DDX43: variants seen among roughly 807,000 people sequenced by gnomAD.
DDX43 encodes probable ATP-dependent RNA helicase DDX43.
A neutral mutation model predicts 84.9 loss-of-function variants in DDX43; 50 were observed. The observed-to-expected ratio is 0.59, with a 90% confidence interval of 0.47 to 0.75. DDX43 has a LOEUF of 0.75. DDX43 is among the 30% of genes least tolerant of loss of function. The pLI is 0.00. For synonymous variants in DDX43, 291 were observed against 266.3 expected (o/e 1.09, Z -0.90); for missense variants, 689 against 798.6 (o/e 0.86, Z 1.65).
At position 73,412,119 on chromosome 6, in the gene DDX43, A is replaced by G. The variant is rs75732780; in HGVS notation, c.1281-86A>G. 7.9e-3 allele frequency: 9,126 copies of G among 1,154,578 alleles called. 499 individuals carry two copies. In the African/African-American group the frequency reaches 0.12, roughly 16 times the overall value. The allele number at this position is 1,154,578 out of a possible 1,614,324, so 71.5% of individuals were successfully genotyped here. A position where few individuals can be genotyped will look rare whatever the true frequency, so the allele number is the denominator to read the frequency against. On this transcript the variant is annotated intron_variant, in intron 10 of 16. Coordinates refer to ENST00000370336, the MANE Select transcript of DDX43 (RefSeq NM_018665.3). ...AAAATAAGTACTAAATTTGTCTTTC[A>G]TGAGTAACTTGGTTCATAGCATGCT...
chr6:73,413,804 G>T lies in DDX43; in HGVS notation c.1496+19G>T. 1 of 1,606,908 alleles carries T rather than the reference G, an allele frequency of 6.2e-7. No individual in the cohort carries two copies. The highest frequency in any genetic ancestry group is 8.5e-7 in the Non-Finnish European group (1 of 1,177,304). ...AAGCTGTGTAGGTATTTTTTCTTGT[G>T]TGTCCATTATAATTAATTAAATTGA... On this transcript the variant is annotated intron_variant, in intron 12 of 16. Coordinates refer to ENST00000370336, the MANE Select transcript of DDX43 (RefSeq NM_018665.3).
At chr6:73,406,326 A>T (rs772640119) in intron 6 of DDX43, 38 bp from the exon 7 acceptor site, 26 of 1,476,380 alleles carry the variant, frequency 1.8e-5, no homozygotes, top group Non-Finnish European at 2.4e-5. Flanking sequence ...CCAGCAAAAG[A>T]TGTACTTTTT....
At chr6:73,399,019 C>T (rs1769522637) in intron 2 of DDX43, among the ~76,000 whole-genome samples, 1 of 152,108 alleles carries the variant, frequency 6.6e-6, no homozygotes, top group African/African-American at 2.4e-5. Context: ...GCTCTTAGCT[C>T]ACCGCAACCA....
At chr6:73,399,776 C>G (rs972452733) in intron 2 of DDX43, among the ~76,000 whole-genome samples, 7 of 152,162 alleles carry the variant, frequency 4.6e-5, no homozygotes, top group African/African-American at 1.7e-4. Context: ...AGAATCCCAT[C>G]AAGTTAAAAA....
At chr6:73,399,830 GCATAGATTATGTCATTTCAGCCCTA>G (rs943750747) in intron 2 of DDX43, among the ~76,000 whole-genome samples, 2 of 152,116 alleles carry the variant, frequency 1.3e-5, no homozygotes, top group African/African-American at 4.8e-5. Flanking sequence ...TCTATATAGT[GCATAGATTATGTCATTTCAGCCCTA>G]CAATTCTGTA....
chr6:73,412,638 A>AGTGTGTGTGTGTGTGTGTGT (rs66577187), intron 11 of DDX43, among the ~76,000 whole-genome samples: 22 of 59,718 alleles, frequency 3.7e-4, no homozygotes, highest in East Asian at 1.3e-3. Context: ...ATATATATAT[A>AGTGTGTGTGTGTGTGTGTGT]GTGTGTGTGT....
At chr6:73,408,176 T>G in intron 9 of DDX43, 75 bp downstream of exon 9, 1 of 1,500,598 alleles carries the variant, frequency 6.7e-7, no homozygotes, top group African/African-American at 1.4e-5. Context: ...GGGTCACGCC[T>G]GTAATCCGAG....
At chr6:73,410,028 C>T (rs1311513948) in intron 10 of DDX43, among the ~76,000 whole-genome samples, 32 of 128,754 alleles carry the variant, frequency 2.5e-4, no homozygotes, top group Non-Finnish European at 5.1e-4. Context: ...GAAAATCTGT[C>T]TCAAAAAAAA....
rs1769885450 is a variant in DDX43, at chr6:73,415,530, A to G, written c.1779A>G (p.Arg593=). Residue 593 remains arginine, a synonymous_variant, in exon 15 of 17, where the codon AGA becomes AGG. Transcript: ENST00000370336. ...GTGTTTCCATTACAACTTTGACTAG[A>G]AATGATTGGAGGGTTGCCTCTGAAT... ...RTGVSITTLT[R]NDWRVASELI... is the part of the protein sequence containing the mutation. 1 of 1,613,576 alleles carries G rather than the reference A, an allele frequency of 6.2e-7. No individual in the cohort carries two copies. The highest frequency in any genetic ancestry group is 1.1e-5 in the South Asian group (1 of 91,036).
At position 73,412,638 on chromosome 6, in the gene DDX43, A is replaced by AGTGTGTGTGTGT. The variant is rs66577187; in HGVS notation, c.1368+366_1368+377dup. Among the ~76,000 whole-genome samples the AGTGTGTGTGTGT allele has an allele frequency of 5.7e-3, 342 of 59,598 alleles. 7 individuals are homozygous for AGTGTGTGTGTGT. Among genetic ancestry groups the AGTGTGTGTGTGT allele is most frequent in the South Asian group, 0.027 (43 of 1,620 alleles). The allele number at this position is 59,598 out of a possible 152,430, so 39.1% of individuals were successfully genotyped here. On this transcript the variant is annotated intron_variant, in intron 11 of 16. Coordinates refer to ENST00000370336, the MANE Select transcript of DDX43 (RefSeq NM_018665.3). Reference sequence around the variant, plus strand: ...CTGGGTTCAAGTGATATATATATATAGTGTGTGTGTGTGTGTGTGTGTGTG... The same window carrying AGTGTGTGTGTGT: ...CTGGGTTCAAGTGATATATATATATAGTGTGTGTGTGTGTGTGTGTGTGTGTGTGTGTGTGTG...
intron 13 of DDX43, 106 bp downstream of exon 13, chr6:73,414,185 C>T: frequency 1.4e-6 from 1 of 696,634 alleles, no homozygotes; most frequent in South Asian, 1.8e-5. Context: ...AAGATCTGTC[C>T]TCACCTTCTG....
At chr6:73,413,917 C>G in intron 12 of DDX43, 53 bp from the exon 13 acceptor site, 1 of 1,527,780 alleles carries the variant, frequency 6.5e-7, no homozygotes, top group Non-Finnish European at 9.0e-7. Context: ...AGAAGTAAAA[C>G]TGGTGGCATT....
At chr6:73,399,121 A>G (rs1214906019) in intron 2 of DDX43, among the ~76,000 whole-genome samples, 1 of 151,792 alleles carries the variant, frequency 6.6e-6, no homozygotes, top group Non-Finnish European at 1.5e-5. Flanking sequence ...TAATTTTTGT[A>G]CTTTAAGTAG....
At chr6:73,398,818 C>A (rs549542744) in intron 2 of DDX43, among the ~76,000 whole-genome samples, 1 of 152,168 alleles carries the variant, frequency 6.6e-6, no homozygotes, top group Non-Finnish European at 1.5e-5. Context: ...TCTCATTCAC[C>A]GCTAGGTCTT....
chr6:73,414,220 G>A lies in DDX43; in HGVS notation c.1606+141G>A, dbSNP rs1769860238. 3 of 612,916 alleles carry A rather than the reference G, an allele frequency of 4.9e-6. No homozygotes were observed. In the Admixed American group the frequency reaches 8.9e-5, roughly 18 times the overall value. 38.0% of individuals were successfully genotyped at this position (612,916 alleles called of 1,614,324 possible). On this transcript the variant is annotated intron_variant, in intron 13 of 16. Coordinates refer to ENST00000370336, the MANE Select transcript of DDX43 (RefSeq NM_018665.3). ...GTATCCTACAACTACACTCATTAGA[G>A]CTCTAAACATTAATCTGCCTTTAAG... is the stretch of plus-strand genomic sequence containing the variant.
Position 73,402,061 on chromosome 6 carries a change from C to T in DDX43, c.568+71C>T, listed in dbSNP as rs116063759. Reference sequence around the variant, plus strand: ...GCAGTTTTTATTCTCTGTACAATGTCTGTGCTTTATTTTTAGTAATGAAAT... The same window carrying T: ...GCAGTTTTTATTCTCTGTACAATGTTTGTGCTTTATTTTTAGTAATGAAAT... On this transcript the variant is annotated intron_variant, in intron 4 of 16. Transcript: ENST00000370336. The T allele has an allele frequency of 1.3e-3, 1,983 of 1,560,552 alleles. 21 individuals carry two copies. The African/African-American group carries it at 0.023, about 18-fold the overall frequency.
rs1769717573 is a variant in DDX43 at position 73,408,146 on chromosome 6, C to T, written c.1179+45C>T. On this transcript the variant is annotated intron_variant, in intron 9 of 16. Coordinates refer to ENST00000370336, the MANE Select transcript of DDX43 (RefSeq NM_018665.3). ...TTTGAGATGCTGGGTTCAAAAATAA[C>T]TGAACTGGCCGGGCGCAGTGGGTCA... 5 of 1,599,036 alleles carry T rather than the reference C, an allele frequency of 3.1e-6. No homozygotes were observed. The East Asian group carries it at 1.1e-4, about 36-fold the overall frequency.
chr6:73,398,225 G>A (rs1171828452), intron 2 of DDX43, among the ~76,000 whole-genome samples: 1 of 152,080 alleles, frequency 6.6e-6, no homozygotes, highest in Non-Finnish European at 1.5e-5. Flanking sequence ...TGTTCCAGGT[G>A]TAGGTTTTGG....
intron 11 of DDX43, 108 bp downstream of exon 11, chr6:73,412,400 A>G (rs1448932443): frequency 6.6e-6 from 5 of 755,674 alleles, no homozygotes; most frequent in Non-Finnish European, 1.1e-5. Context: ...GGCAAATCAC[A>G]CTTGCATATA....
Sources: gnomAD v4.1 joint callset for allele counts (sites outside exome capture counted in the v4.1 genomes callset) on GRCh38, gnomAD v4.1.1 for gene constraint, MANE v1.5 for transcripts, NCBI Gene and HGNC (gene_info 2026-07-23, HGNC 2026-07-21) for gene names.